ATP6V0D2: variants seen among roughly 807,000 people sequenced by gnomAD.
The protein encoded by ATP6V0D2 is V-type proton ATPase subunit d 2.
Under a neutral mutation model 40.0 loss-of-function variants are expected in ATP6V0D2, and 40 were observed. The ratio of observed to expected loss-of-function variants is 1.00; its 90% CI spans 0.78 to 1.30. The LOEUF is 1.30. ATP6V0D2 is among the 50% of genes most tolerant of loss of function. The pLI is 0.00. For missense variants in ATP6V0D2, 470 were observed against 423.1 expected, an observed-to-expected ratio of 1.11 and a Z score of -0.97; for synonymous variants, 179 against 156.3, an observed-to-expected ratio of 1.15 and a Z score of -1.08.
intron 4 of ATP6V0D2, among the ~76,000 whole-genome samples, chr8:86,141,752 T>C (rs1818977454): frequency 6.6e-6 from 1 of 152,242 alleles, no homozygotes; most frequent in South Asian, 2.1e-4. Flanking sequence ...CATGCCCTAT[T>C]CTTCCATATT....
intron 2 of ATP6V0D2, among the ~76,000 whole-genome samples, chr8:86,135,040 A>G (rs1322678323): frequency 6.6e-6 from 1 of 152,020 alleles, no homozygotes. Context: ...GGTGGGTGGG[A>G]AAGGGTGGGT....
chr8:86,115,921 C>A (rs530155864), intron 2 of ATP6V0D2, among the ~76,000 whole-genome samples: 15 of 152,254 alleles, frequency 9.9e-5, no homozygotes, highest in Non-Finnish European at 2.1e-4. Context: ...AACAGACCTG[C>A]ATTCCTAGGC....
At chr8:86,130,872 CCCTTT>C (rs1818814445) in intron 2 of ATP6V0D2, among the ~76,000 whole-genome samples, 1 of 152,076 alleles carries the variant, frequency 6.6e-6, no homozygotes, top group African/African-American at 2.4e-5. Flanking sequence ...CCAGTTCTTC[CCCTTT>C]CAATTCTGTT....
rs568936619 is a variant in ATP6V0D2, at chr8:86,153,311, G to A, written c.*334G>A. The stretch of plus-strand genomic sequence containing the variant: ...AAGTATTTTATTCTTGCTTTTCCAT[G>A]CTTCTCTACAGGTCCAAATACTGAA... On this transcript the variant is annotated 3_prime_UTR_variant, in exon 8 of 8. Coordinates refer to ENST00000285393, the MANE Select transcript of ATP6V0D2 (RefSeq NM_152565.1). The A allele has an allele frequency of 6.0e-6, 1 of 166,932 alleles. No homozygotes were observed. The highest frequency in any genetic ancestry group is 2.4e-5 in the African/African-American group (1 of 41,844). The allele number at this position is 166,932 out of a possible 1,614,324, so 10.3% of individuals were successfully genotyped here.
chr8:86,104,878 C>CACACAT (rs928397464), intron 1 of ATP6V0D2, among the ~76,000 whole-genome samples: 34 of 151,744 alleles, frequency 2.2e-4, no homozygotes, highest in African/African-American at 8.0e-4. Flanking sequence ...CACACACACA[C>CACACAT]ATCAAGAGCT....
intron 2 of ATP6V0D2, among the ~76,000 whole-genome samples, chr8:86,118,353 C>T (rs1259195486): frequency 6.6e-6 from 1 of 151,330 alleles, no homozygotes; most frequent in Non-Finnish European, 1.5e-5. Context: ...GGATTACAGG[C>T]GTGAGCCACC....
intron 2 of ATP6V0D2, among the ~76,000 whole-genome samples, chr8:86,138,513 T>A (rs1818926894): frequency 6.6e-6 from 1 of 152,118 alleles, no homozygotes; most frequent in South Asian, 2.1e-4. Context: ...AACCAGGACA[T>A]GCACCCAGGG....
chr8:86,114,562 C>T (rs752864773), intron 2 of ATP6V0D2, among the ~76,000 whole-genome samples: 10 of 151,958 alleles, frequency 6.6e-5, no homozygotes, highest in Non-Finnish European at 1.2e-4. Flanking sequence ...CCCAGCTACT[C>T]GGGAGGTTGA....
At chr8:86,130,827 C>T (rs960688917) in intron 2 of ATP6V0D2, among the ~76,000 whole-genome samples, 4 of 152,058 alleles carry the variant, frequency 2.6e-5, no homozygotes, top group African/African-American at 9.7e-5. Flanking sequence ...GGGGAAGCCT[C>T]GGAGCATGTC....
chr8:86,104,531 A>C (rs1356876972), intron 1 of ATP6V0D2, among the ~76,000 whole-genome samples: 1 of 152,162 alleles, frequency 6.6e-6, no homozygotes, highest in African/African-American at 2.4e-5. Context: ...AAATTTTAAA[A>C]ATATACTTCC....
At chr8:86,106,688 C>T (rs533124865) in intron 1 of ATP6V0D2, among the ~76,000 whole-genome samples, 27 of 152,200 alleles carry the variant, frequency 1.8e-4, no homozygotes, top group Middle Eastern at 3.4e-3. Context: ...TCAGAGAGCA[C>T]CAGTTTTGAA....
At chr8:86,141,357 A>C in intron 3 of ATP6V0D2, 93 bp from the exon 4 acceptor site, 1 of 819,256 alleles carries the variant, frequency 1.2e-6, no homozygotes, top group South Asian at 1.6e-5. Context: ...TCTTGTCAGG[A>C]GTGAGCAGAG....
chr8:86,115,357 CATTTTTTTTT>C (rs1166414883), intron 2 of ATP6V0D2, among the ~76,000 whole-genome samples: 2 of 79,504 alleles, frequency 2.5e-5, no homozygotes, highest in African/African-American at 1.2e-4. Context: ...CCGTATCATC[CATTTTTTTTT>C]TTTTTTTTTT....
At chr8:86,134,244 C>G (rs932075469) in intron 2 of ATP6V0D2, among the ~76,000 whole-genome samples, 1 of 151,984 alleles carries the variant, frequency 6.6e-6, no homozygotes, top group African/African-American at 2.4e-5. Context: ...AAGGGGAAAT[C>G]AAGGCATTCT....
intron 5 of ATP6V0D2, among the ~76,000 whole-genome samples, chr8:86,145,233 A>AAGAAAGAAAGAAAGAAAGAAAGAG (rs1554589869): frequency 2.6e-5 from 1 of 38,442 alleles, no homozygotes; most frequent in African/African-American, 1.5e-4. Flanking sequence ...GAAAGAAAGA[A>AAGAAAGAAAGAAAGAAAGAAAGAG]AGAGAGAGAG....
At chr8:86,124,817 C>T (rs1459093820) in intron 2 of ATP6V0D2, among the ~76,000 whole-genome samples, 1 of 152,126 alleles carries the variant, frequency 6.6e-6, no homozygotes, top group East Asian at 1.9e-4. Context: ...AGCATTGAGT[C>T]CTCTGTGACT....
chr8:86,101,817 C>T (rs938633431), intron 1 of ATP6V0D2, among the ~76,000 whole-genome samples: 3 of 152,172 alleles, frequency 2.0e-5, no homozygotes, highest in Non-Finnish European at 4.4e-5. Flanking sequence ...CCCACCTGTG[C>T]TCTACTGCTT....
At chr8:86,119,034 A>G (rs1216560450) in intron 2 of ATP6V0D2, among the ~76,000 whole-genome samples, 3 of 152,138 alleles carry the variant, frequency 2.0e-5, no homozygotes, top group South Asian at 2.1e-4. Flanking sequence ...TGACAGTGAC[A>G]GAGGGCAGCC....
At chr8:86,128,402 G>C (rs1818775394) in intron 2 of ATP6V0D2, among the ~76,000 whole-genome samples, 1 of 152,162 alleles carries the variant, frequency 6.6e-6, no homozygotes, top group African/African-American at 2.4e-5. Context: ...TAGCTCCTGT[G>C]ATCAAGCCAA....
Sources: allele counts gnomAD v4.1 joint callset (sites outside exome capture counted in the v4.1 genomes callset), GRCh38; gene constraint gnomAD v4.1.1; transcripts MANE v1.5; gene names NCBI Gene and HGNC (gene_info 2026-07-23, HGNC 2026-07-21).